ISM1: variants seen among roughly 807,000 people sequenced by gnomAD.
The protein encoded by ISM1 is isthmin 1.
A neutral mutation model predicts 46.3 loss-of-function variants in ISM1; 25 were observed. The observed-to-expected ratio is 0.54, with a 90% CI of 0.39 to 0.75. The LOEUF (loss-of-function observed/expected upper bound fraction) is 0.75. ISM1 is among the 30% of genes least tolerant of loss of function. The pLI is 0.00. For synonymous variants in ISM1, 255 were observed against 256.7 expected (o/e 0.99, Z 0.06); for missense variants, 536 against 625.4 (o/e 0.86, Z 1.52).
chr20:13,298,604 C>A (rs907222296), intron 5 of ISM1, among the ~76,000 whole-genome samples: 1 of 152,012 alleles, frequency 6.6e-6, no homozygotes, highest in Non-Finnish European at 1.5e-5. Flanking sequence ...TAGTTAAATC[C>A]AGGTGATGAA....
rs1440554186 is a variant in ISM1 at position 13,299,981 on chromosome 20, T to C, written c.*522T>C. The stretch of plus-strand genomic sequence containing the variant: ...AAGAGAAAGGGAATTTTGGAATTTA[T>C]TTCTTTAAAAATAATGCAATGGAAA... On this transcript the variant is annotated 3_prime_UTR_variant, in exon 6 of 6. Transcript: ENST00000262487. The surrounding 1 kb of genome is among the most constrained non-coding windows in gnomAD (Gnocchi z 5.8). The C allele has an allele frequency of 6.6e-6, 1 of 152,576 alleles. No individual in the cohort carries two copies. The highest frequency in any genetic ancestry group is 1.5e-5 in the Non-Finnish European group (1 of 68,336). 9.5% of individuals were successfully genotyped at this position (152,576 alleles called of 1,614,324 possible). A position where few individuals can be genotyped will look rare whatever the true frequency, so the allele number is the denominator to read the frequency against.
At chr20:13,284,916 T>A (rs2040275528) in intron 3 of ISM1, among the ~76,000 whole-genome samples, 1 of 152,164 alleles carries the variant, frequency 6.6e-6, no homozygotes, top group African/African-American at 2.4e-5. Context: ...GGCTTCAGAG[T>A]CTGGCAGCTG....
the ISM1 span, among the ~76,000 whole-genome samples, chr20:13,306,400 A>G: frequency 6.6e-6 from 1 of 152,058 alleles, no homozygotes; most frequent in Admixed American, 6.6e-5. Context: ...GCAAATTTTA[A>G]CAAGCACCAC....
chr20:13,221,669 G>C lies in ISM1; in HGVS notation c.-108G>C. On this transcript the variant is annotated 5_prime_UTR_variant, in exon 1 of 6. Coordinates refer to ENST00000262487, the MANE Select transcript of ISM1 (RefSeq NM_080826.2). ...AAGCGGAGCCCTGGCGGGAGCCGAG[G>C]CGGGAGCCGCGCTGCCGGGCTCCCG... 1.0e-6 allele frequency: 1 copy of C among 986,924 alleles called. No homozygotes were observed. The allele number at this position is 986,924 out of a possible 1,614,324, so 61.1% of individuals were successfully genotyped here. A position where few individuals can be genotyped will look rare whatever the true frequency, so the allele number is the denominator to read the frequency against.
intron 1 of ISM1, among the ~76,000 whole-genome samples, chr20:13,241,871 C>G (rs992308061): frequency 6.6e-6 from 1 of 152,008 alleles, no homozygotes; most frequent in Non-Finnish European, 1.5e-5. Flanking sequence ...AGTTGGATCA[C>G]TGAGTTCAAC....
intron 1 of ISM1, among the ~76,000 whole-genome samples, chr20:13,256,755 G>T (rs1366817996): frequency 6.6e-6 from 1 of 152,192 alleles, no homozygotes; most frequent in African/African-American, 2.4e-5. Context: ...TGAGCCAGGT[G>T]ACTTTGGCAG....
At chr20:13,266,031 A>G (rs969440041) in intron 1 of ISM1, among the ~76,000 whole-genome samples, 2 of 152,204 alleles carry the variant, frequency 1.3e-5, no homozygotes, top group Admixed American at 1.3e-4. Flanking sequence ...GAAGAGAGAA[A>G]GGCAAATGGC....
In ISM1 at chr20:13,281,832, T is replaced by C. The variant is rs914212547; in HGVS notation, c.643+1934T>C. Among the ~76,000 whole-genome samples the C allele has an allele frequency of 3.9e-5, 6 of 152,316 alleles. No individual in the cohort carries two copies. In the South Asian group the frequency reaches 6.2e-4, roughly 16 times the overall value. On this transcript the variant is annotated intron_variant, in intron 3 of 5. Coordinates refer to ENST00000262487, the MANE Select transcript of ISM1 (RefSeq NM_080826.2). Reference sequence around the variant, plus strand: ...TGTTTGCCCAGCCCACACAGAACGTTGTTTCTATGAGTAGAGCTCAGACAC... The same window carrying C: ...TGTTTGCCCAGCCCACACAGAACGTCGTTTCTATGAGTAGAGCTCAGACAC...
intron 1 of ISM1, among the ~76,000 whole-genome samples, chr20:13,229,734 T>A (rs980527871): frequency 6.6e-6 from 1 of 152,198 alleles, no homozygotes; most frequent in African/African-American, 2.4e-5. Flanking sequence ...GTAATTCTTC[T>A]AGGGAAACTG....
chr20:13,290,863 A>G (rs1407263734), intron 4 of ISM1, among the ~76,000 whole-genome samples: 1 of 152,272 alleles, frequency 6.6e-6, no homozygotes, highest in Non-Finnish European at 1.5e-5. Flanking sequence ...TAACTGAGGC[A>G]TAGAGGATTA....
At chr20:13,254,969 C>G (rs994005614) in intron 1 of ISM1, among the ~76,000 whole-genome samples, 2 of 152,216 alleles carry the variant, frequency 1.3e-5, no homozygotes, top group Non-Finnish European at 2.9e-5. Context: ...GGGCTCTAGG[C>G]CAAGTGCTGA....
intron 5 of ISM1, among the ~76,000 whole-genome samples, chr20:13,295,346 C>G (rs138487678): frequency 3.3e-5 from 5 of 152,180 alleles, no homozygotes; most frequent in Admixed American, 3.3e-4. Flanking sequence ...CCCTAGTACC[C>G]GCTGAACCAG....
At chr20:13,234,240 T>C (rs1286135278) in intron 1 of ISM1, among the ~76,000 whole-genome samples, 2 of 152,194 alleles carry the variant, frequency 1.3e-5, no homozygotes, top group African/African-American at 4.8e-5. Context: ...CTGAGTTATT[T>C]TGCTTAGCAT....
chr20:13,283,093 T>C (rs575746601), intron 3 of ISM1, among the ~76,000 whole-genome samples: 1 of 152,264 alleles, frequency 6.6e-6, no homozygotes, highest in East Asian at 1.9e-4. Context: ...CAGGCTGGAG[T>C]GCAGTGGTGC....
intron 3 of ISM1, 149 bp downstream of exon 3, chr20:13,280,047 C>T: frequency 1.4e-6 from 1 of 716,170 alleles, no homozygotes; most frequent in Non-Finnish European, 2.2e-6. Context: ...TCCGCAGAAG[C>T]CCAAAGGAGG....
At chr20:13,281,763 C>T (rs2040240676) in intron 3 of ISM1, among the ~76,000 whole-genome samples, 1 of 152,142 alleles carries the variant, frequency 6.6e-6, no homozygotes, top group South Asian at 2.1e-4. Context: ...CACAGAGGAC[C>T]GCTTGATGCC....
intron 1 of ISM1, among the ~76,000 whole-genome samples, chr20:13,268,271 C>G (rs747475350): frequency 6.6e-6 from 1 of 151,356 alleles, no homozygotes; most frequent in Non-Finnish European, 1.5e-5. Flanking sequence ...TCTTCTCTCT[C>G]GCTCCTTCTC....
chr20:13,255,085 C>T (rs2039911993), intron 1 of ISM1, among the ~76,000 whole-genome samples: 2 of 152,138 alleles, frequency 1.3e-5, no homozygotes, highest in African/African-American at 4.8e-5. Context: ...TTTCAGCTAA[C>T]AAATACTACA....
chr20:13,247,954 G>A (rs1044659269), intron 1 of ISM1, among the ~76,000 whole-genome samples: 1 of 152,156 alleles, frequency 6.6e-6, no homozygotes, highest in African/African-American at 2.4e-5. Flanking sequence ...GCCTTTGTGG[G>A]TCTGATACAG....
Sources: allele counts gnomAD v4.1 joint callset (sites outside exome capture counted in the v4.1 genomes callset), GRCh38; gene constraint gnomAD v4.1.1; non-coding constraint Gnocchi (gnomAD v3.1); transcripts MANE v1.5; gene names NCBI Gene and HGNC (gene_info 2026-07-23, HGNC 2026-07-21).